The following MSH3 variants were observed in gnomAD, a reference collection of about 807,000 sequenced individuals.
MSH3 encodes the protein mutS homolog 3.
In MSH3, 106 loss-of-function variants were observed where a neutral mutation model predicts 123.3. The observed-to-expected ratio is 0.86, with a 90% CI of 0.73 to 1.01. The LOEUF (loss-of-function observed/expected upper bound fraction) is 1.01. Ranked by LOEUF, MSH3 falls within the 50% of genes least tolerant of loss-of-function variation. The pLI, the probability that MSH3 is intolerant of heterozygous loss-of-function variation, is 0.00. For synonymous variants in MSH3, 515 were observed against 481.4 expected, an observed-to-expected ratio of 1.07 and a Z score of -0.91; for missense variants, 1,459 against 1,347.6, an observed-to-expected ratio of 1.08 and a Z score of -1.29.
chr5:80,841,079 C>T lies in MSH3; in HGVS notation c.2814-13051C>T, dbSNP rs377656297. Among the ~76,000 whole-genome samples the T allele has an allele frequency of 1.9e-4, 29 of 151,886 alleles. No homozygotes were observed. The East Asian group carries it at 3.3e-3, about 17-fold the overall frequency. On this transcript the variant is annotated intron_variant, in intron 20 of 23. Transcript: ENST00000265081. ...ACTCCCCCCACCCCACGACAGACCCCGGTGTGTGATGTTCCCCTTCCTGTG... is the reference window on the plus strand; with the variant it reads ...ACTCCCCCCACCCCACGACAGACCCTGGTGTGTGATGTTCCCCTTCCTGTG...
chr5:80,694,956 T>G (rs1029841747), intron 8 of MSH3, among the ~76,000 whole-genome samples: 1 of 151,586 alleles, frequency 6.6e-6, no homozygotes, highest in Non-Finnish European at 1.5e-5. Context: ...AACATATATC[T>G]TTGGCTTTAT....
chr5:80,852,895 G>A (rs1745852548), intron 20 of MSH3, among the ~76,000 whole-genome samples: 1 of 152,146 alleles, frequency 6.6e-6, no homozygotes, highest in Non-Finnish European at 1.5e-5. Flanking sequence ...AACTATTGTA[G>A]CAAAACTAAA....
At chr5:80,855,873 CTTTTTTTTTT>C (rs5869058) in intron 21 of MSH3, 1 of 107,136 alleles carries the variant, frequency 9.3e-6, no homozygotes, top group African/African-American at 3.6e-5. Context: ...TCCTCCTCCT[CTTTTTTTTTT>C]TTTTTTTTTT....
intron 12 of MSH3, among the ~76,000 whole-genome samples, chr5:80,759,982 T>C (rs1744002262): frequency 1.3e-5 from 2 of 152,176 alleles, no homozygotes. Context: ...CTCTGTATTA[T>C]GAAAAGGCAT....
chr5:80,756,924 C>T (rs987092812), intron 12 of MSH3, among the ~76,000 whole-genome samples: 2 of 152,124 alleles, frequency 1.3e-5, no homozygotes, highest in African/African-American at 4.8e-5. Context: ...TTAGGTAGTT[C>T]ATTTAGCCAT....
intron 20 of MSH3, among the ~76,000 whole-genome samples, chr5:80,849,014 G>T (rs944162387): frequency 6.6e-6 from 1 of 152,174 alleles, no homozygotes; most frequent in African/African-American, 2.4e-5. Flanking sequence ...ATACAATGGG[G>T]GTACAGGCAT....
At chr5:80,839,237 G>A (rs1252647106) in intron 20 of MSH3, among the ~76,000 whole-genome samples, 11 of 151,938 alleles carry the variant, frequency 7.2e-5, no homozygotes, top group African/African-American at 1.9e-4. Flanking sequence ...GTGTGGTGGC[G>A]TGCACCTATA....
At chr5:80,666,563 T>G (rs1375909698) in intron 3 of MSH3, among the ~76,000 whole-genome samples, 1 of 152,244 alleles carries the variant, frequency 6.6e-6, no homozygotes, top group Non-Finnish European at 1.5e-5. Context: ...TCATAAAGTT[T>G]ATCCATTAAA....
intron 8 of MSH3, among the ~76,000 whole-genome samples, chr5:80,692,751 TA>T (rs375851909): frequency 0.015 from 1,958 of 133,740 alleles, 29 homozygotes; most frequent in Middle Eastern, 0.024. Flanking sequence ...TGTATATGTT[TA>T]GATAAATATA....
chr5:80,836,035 A>G (rs1745502939), intron 20 of MSH3, among the ~76,000 whole-genome samples: 1 of 152,204 alleles, frequency 6.6e-6, no homozygotes, highest in Non-Finnish European at 1.5e-5. Context: ...TTGATATCTT[A>G]TTAAAAATTA....
intron 12 of MSH3, among the ~76,000 whole-genome samples, chr5:80,760,774 A>G (rs1171960107): frequency 6.6e-6 from 1 of 152,218 alleles, no homozygotes; most frequent in Non-Finnish European, 1.5e-5. Context: ...AGTTACCATG[A>G]GGCTCACAAG....
intron 20 of MSH3, among the ~76,000 whole-genome samples, chr5:80,843,095 TGA>T (rs1745655946): frequency 6.6e-6 from 1 of 152,130 alleles, no homozygotes; most frequent in Admixed American, 6.6e-5. Flanking sequence ...TCTAGTTTAT[TGA>T]GAGTTTTTAG....
At chr5:80,808,265 G>A (rs1191752357) in intron 19 of MSH3, among the ~76,000 whole-genome samples, 1 of 152,106 alleles carries the variant, frequency 6.6e-6, no homozygotes, top group African/African-American at 2.4e-5. Flanking sequence ...TTTCCTTGTG[G>A]ACAGCTATGT....
chr5:80,700,980 A>G (rs1020340999), intron 8 of MSH3, among the ~76,000 whole-genome samples: 1 of 152,138 alleles, frequency 6.6e-6, no homozygotes, highest in Admixed American at 6.5e-5. Context: ...TTGTAAATAC[A>G]CCTGTTCATT....
intron 20 of MSH3, among the ~76,000 whole-genome samples, chr5:80,848,422 A>AT (rs1271705249): frequency 6.6e-6 from 1 of 152,098 alleles, no homozygotes; most frequent in East Asian, 1.9e-4. Context: ...CCAAATCGAG[A>AT]TTTTGCTTGT....
At chr5:80,832,042 G>A (rs924545961) in intron 20 of MSH3, among the ~76,000 whole-genome samples, 25 of 152,078 alleles carry the variant, frequency 1.6e-4, no homozygotes, top group African/African-American at 4.6e-4. Flanking sequence ...CCCGGGAGGC[G>A]GAGCTTGCAG....
intron 22 of MSH3, among the ~76,000 whole-genome samples, chr5:80,869,021 G>A (rs1364626542): frequency 1.4e-4 from 21 of 152,098 alleles, no homozygotes; most frequent in Admixed American, 1.4e-3. Flanking sequence ...CTTTTGGATG[G>A]CTTCTATAAT....
intron 21 of MSH3, among the ~76,000 whole-genome samples, chr5:80,857,500 A>G (rs1335198335): frequency 1.3e-5 from 2 of 152,262 alleles, no homozygotes; most frequent in South Asian, 2.1e-4. Context: ...GGAGTTCACC[A>G]GTGAAGCCAT....
intron 20 of MSH3, among the ~76,000 whole-genome samples, chr5:80,830,543 A>C (rs910758369): frequency 6.6e-6 from 1 of 152,240 alleles, no homozygotes; most frequent in Admixed American, 6.5e-5. Flanking sequence ...TGACAGATTA[A>C]TCTTCCTTTG....
Sources: gnomAD v4.1 joint callset for allele counts (sites outside exome capture counted in the v4.1 genomes callset) on GRCh38, gnomAD v4.1.1 for gene constraint, MANE v1.5 for transcripts, NCBI Gene and HGNC (gene_info 2026-07-23, HGNC 2026-07-21) for gene names.